The following ENOX1 variants were observed in gnomAD, a reference collection of about 807,000 sequenced individuals.
The protein encoded by ENOX1 is candidate growth-related and time keeping constitutive hydroquinone (NADH) oxidase.
In ENOX1, 42 loss-of-function variants were observed where a neutral mutation model predicts 82.5. The ratio of observed to expected loss-of-function variants is 0.51; its 90% CI spans 0.40 to 0.66. The LOEUF is 0.66. Among genes scored for constraint, ENOX1 ranks in the 30% least tolerant of loss-of-function variants. The probability of loss-of-function intolerance (pLI) is 0.00; values close to 1 mark genes in which losing one functional copy is unlikely to be tolerated. For synonymous variants in ENOX1, 271 were observed against 282.2 expected (o/e 0.96, Z 0.40); for missense variants, 608 against 811.6 (o/e 0.75, Z 3.05).
intron 3 of ENOX1, among the ~76,000 whole-genome samples, chr13:43,445,656 G>C (rs1363654893): frequency 6.6e-6 from 1 of 152,084 alleles, no homozygotes; most frequent in African/African-American, 2.4e-5. Flanking sequence ...TTTTTTAAAA[G>C]ACTGTGTTTT....
At chr13:43,288,535 TGA>T (rs2045829510) in intron 12 of ENOX1, among the ~76,000 whole-genome samples, 2 of 152,208 alleles carry the variant, frequency 1.3e-5, no homozygotes, top group Admixed American at 1.3e-4. Flanking sequence ...TACTTGTACA[TGA>T]GAGTCTAAGA....
At chr13:43,407,853 C>T (rs2053891889) in intron 5 of ENOX1, among the ~76,000 whole-genome samples, 1 of 152,074 alleles carries the variant, frequency 6.6e-6, no homozygotes, top group African/African-American at 2.4e-5. Context: ...GTATTGACAA[C>T]AAACACAAAT....
At chr13:43,643,965 G>A (rs143010223) in intron 2 of ENOX1, among the ~76,000 whole-genome samples, 283 of 151,932 alleles carry the variant, frequency 1.9e-3, no homozygotes, top group East Asian at 8.5e-3. Context: ...CATTCCTATC[G>A]CAAAGCTTTT....
chr13:43,590,753 G>A (rs1256900991), intron 2 of ENOX1, among the ~76,000 whole-genome samples: 1 of 136,880 alleles, frequency 7.3e-6, no homozygotes. Flanking sequence ...TCTAGCCTGG[G>A]CGAAAAAGTG....
intron 9 of ENOX1, among the ~76,000 whole-genome samples, chr13:43,339,204 T>C (rs936481170): frequency 2.0e-5 from 3 of 152,248 alleles, no homozygotes; most frequent in Admixed American, 6.5e-5. Context: ...TTTTTCTTTA[T>C]GTTATTATGA....
intron 8 of ENOX1, among the ~76,000 whole-genome samples, chr13:43,355,265 T>C (rs1386849268): frequency 6.6e-6 from 1 of 152,196 alleles, no homozygotes; most frequent in Non-Finnish European, 1.5e-5. Flanking sequence ...TCCTATGTCT[T>C]TATTTCCCAC....
At chr13:43,306,096 G>A (rs1462128512) in intron 11 of ENOX1, among the ~76,000 whole-genome samples, 1 of 152,204 alleles carries the variant, frequency 6.6e-6, no homozygotes, top group South Asian at 2.1e-4. Flanking sequence ...GGGAGAGAAG[G>A]CTTCTGGCTG....
At position 43,229,740 on chromosome 13, in the gene ENOX1, C is replaced by T. The variant is rs146508881; in HGVS notation, c.1715-5602G>A. On this transcript the variant is annotated intron_variant, in intron 15 of 16. Transcript: ENST00000690772. Reference sequence around the variant, plus strand: ...ATGATCTGGACTGCAAAGGGAGAAGCGGACTCCAAAGGGAGAGCCAGGGGG... The same window carrying T: ...ATGATCTGGACTGCAAAGGGAGAAGTGGACTCCAAAGGGAGAGCCAGGGGG... Among the ~76,000 whole-genome samples the T allele has an allele frequency of 3.4e-3, 511 of 152,238 alleles. 2 individuals are homozygous for T. The highest frequency in any genetic ancestry group is 4.8e-3 in the Non-Finnish European group (329 of 68,020).
chr13:43,550,281 A>G (rs1447817843), intron 2 of ENOX1, among the ~76,000 whole-genome samples: 1 of 152,170 alleles, frequency 6.6e-6, no homozygotes, highest in Non-Finnish European at 1.5e-5. Context: ...TAATATTAAT[A>G]AAGGGAAGGT....
intron 2 of ENOX1, among the ~76,000 whole-genome samples, chr13:43,620,342 T>A (rs1467008876): frequency 6.6e-6 from 1 of 152,132 alleles, no homozygotes; most frequent in East Asian, 1.9e-4. Flanking sequence ...GACCTTAGAA[T>A]GTCAGTTTGT....
intron 2 of ENOX1, among the ~76,000 whole-genome samples, chr13:43,552,127 T>C (rs749401983): frequency 6.6e-6 from 1 of 151,782 alleles, no homozygotes; most frequent in Non-Finnish European, 1.5e-5. Context: ...GAGCCCTGAC[T>C]TAAGAAAAAA....
At chr13:43,599,076 TA>T (rs2081591512) in intron 2 of ENOX1, among the ~76,000 whole-genome samples, 1 of 152,056 alleles carries the variant, frequency 6.6e-6, no homozygotes, top group South Asian at 2.1e-4. Flanking sequence ...AGTCTGTGAT[TA>T]AGATAACAAT....
intron 1 of ENOX1, among the ~76,000 whole-genome samples, chr13:43,759,612 A>C (rs9562510): frequency 0.33 from 49,859 of 152,126 alleles, 8,518 homozygotes; most frequent in East Asian, 0.5. Flanking sequence ...TTTAACTCTA[A>C]ATCAGAGGAT....
intron 14 of ENOX1, among the ~76,000 whole-genome samples, chr13:43,247,050 G>A (rs545821240): frequency 1.2e-4 from 19 of 152,288 alleles, no homozygotes; most frequent in African/African-American, 4.3e-4. Flanking sequence ...GGCTGGGTGC[G>A]GTGGCTTGCA....
At chr13:43,316,856 G>C (rs2047524710) in intron 11 of ENOX1, among the ~76,000 whole-genome samples, 1 of 151,838 alleles carries the variant, frequency 6.6e-6, no homozygotes. Flanking sequence ...AAGAAAGCAG[G>C]CTACTCAGCC....
At chr13:43,436,054 A>T (rs2056010351) in intron 3 of ENOX1, among the ~76,000 whole-genome samples, 1 of 152,224 alleles carries the variant, frequency 6.6e-6, no homozygotes, top group South Asian at 2.1e-4. Flanking sequence ...CTGAAAGGAC[A>T]TAGCTGCCTC....
chr13:43,595,670 T>C (rs568417673), intron 2 of ENOX1, among the ~76,000 whole-genome samples: 165 of 152,242 alleles, frequency 1.1e-3, no homozygotes, highest in Non-Finnish European at 2.1e-3. Flanking sequence ...AGGAAAATAC[T>C]GGCTAACAAG....
intron 15 of ENOX1, among the ~76,000 whole-genome samples, chr13:43,236,293 A>G (rs1257531267): frequency 6.6e-6 from 1 of 152,148 alleles, no homozygotes; most frequent in Non-Finnish European, 1.5e-5. Context: ...GAGCCTGGGG[A>G]TATGGCTTGG....
chr13:43,419,574 C>CAAA (rs980885000), intron 3 of ENOX1, among the ~76,000 whole-genome samples: 5 of 151,266 alleles, frequency 3.3e-5, no homozygotes, highest in Non-Finnish European at 7.4e-5. Flanking sequence ...AAAACAAAAC[C>CAAA]AAAAAAAAGC....
Sources: allele counts gnomAD v4.1 joint callset (sites outside exome capture counted in the v4.1 genomes callset), GRCh38; gene constraint gnomAD v4.1.1; transcripts MANE v1.5; gene names NCBI Gene and HGNC (gene_info 2026-07-23, HGNC 2026-07-21).